The following ALOX5 variants were observed in gnomAD, a reference collection of about 807,000 sequenced individuals.
The protein encoded by ALOX5 is polyunsaturated fatty acid 5-lipoxygenase.
Under a neutral mutation model 87.9 loss-of-function variants are expected in ALOX5, and 64 were observed. The ratio of observed to expected loss-of-function variants is 0.73; its 90% confidence interval spans 0.60 to 0.90. The LOEUF (loss-of-function observed/expected upper bound fraction) is 0.90, where lower values mean the gene tolerates loss of function less well. Ranked by LOEUF, ALOX5 falls within the 40% of genes least tolerant of loss-of-function variation. The pLI is 0.00. For missense variants in ALOX5, 822 were observed against 907.5 expected (o/e 0.91, Z 1.21); for synonymous variants, 388 against 355.1 (o/e 1.09, Z -1.04).
At chr10:45,396,155 A>G (rs1490190379) in intron 3 of ALOX5, among the ~76,000 whole-genome samples, 1 of 152,234 alleles carries the variant, frequency 6.6e-6, no homozygotes, top group Non-Finnish European at 1.5e-5. Context: ...ACTTTGGATC[A>G]ACCATATTGG....
rs74128481 is a variant in ALOX5 at position 45,383,444 on chromosome 10, C to G, written c.349+763C>G. Among the ~76,000 whole-genome samples the G allele has an allele frequency of 5.8e-3, 879 of 152,326 alleles. 8 individuals carry two copies. Among genetic ancestry groups the G allele is most frequent in the African/African-American group, 0.02 (819 of 41,576 alleles). ...TGCCTGGCAAAATCCTACCTCACTT[C>G]GAGTCATAACCCTTCAGCTTGCTCT... On this transcript the variant is annotated intron_variant, in intron 2 of 13. Transcript: ENST00000374391.
At chr10:45,395,825 G>C (rs764560437) in intron 2 of ALOX5, 30 bp from the exon 3 acceptor site, 1 of 1,603,424 alleles carries the variant, frequency 6.2e-7, no homozygotes, top group Admixed American at 1.7e-5. Flanking sequence ...TTCTTCCTCA[G>C]GCTCCTCTCA....
intron 7 of ALOX5, among the ~76,000 whole-genome samples, chr10:45,438,360 T>A (rs534391334): frequency 3.9e-5 from 6 of 152,196 alleles, no homozygotes; most frequent in South Asian, 2.1e-4. Context: ...GAGCCTCAGT[T>A]TCCCCCCATG....
chr10:45,395,989 CAA>C, intron 3 of ALOX5, 53 bp downstream of exon 3: 1 of 1,556,846 alleles, frequency 6.4e-7, no homozygotes. Flanking sequence ...TCTTCTATCT[CAA>C]GAGCATGGTA....
At chr10:45,395,828 T>G (rs754284491) in intron 2 of ALOX5, 27 bp from the exon 3 acceptor site, 8 of 1,606,000 alleles carry the variant, frequency 5.0e-6, no homozygotes, top group African/African-American at 4.0e-5. Context: ...TTCCTCAGGC[T>G]CCTCTCATGT....
chr10:45,408,397 T>C (rs1334055235), intron 3 of ALOX5, among the ~76,000 whole-genome samples: 1 of 152,210 alleles, frequency 6.6e-6, no homozygotes, highest in Admixed American at 6.5e-5. Flanking sequence ...TTCCAGGTCA[T>C]AGGCAGATTC....
Position 45,412,235 on chromosome 10 carries a change from A to G in ALOX5, c.476A>G (p.Lys159Arg). 1 of 1,614,176 alleles carries G rather than the reference A, an allele frequency of 6.2e-7. No homozygotes were observed. Among genetic ancestry groups the G allele is most frequent in the Non-Finnish European group, 8.5e-7 (1 of 1,180,006 alleles). The change falls in exon 4 of 14, where the codon AAA becomes AGA. Residue 159 changes from lysine to arginine, a missense_variant. Transcript: ENST00000374391. ...NPGFPLSIDA[K>R]CHKDLPRDIQ... ...GGCTTCCCCTTGAGCATCGATGCCA[A>G]ATGCCACAAGGATTTACCCCGTGAT...
Position 45,444,306 on chromosome 10 carries a change from G to A in ALOX5, c.1845+20G>A. On this transcript the variant is annotated intron_variant, in intron 13 of 13. Coordinates refer to ENST00000374391, the MANE Select transcript of ALOX5 (RefSeq NM_000698.5). ...AACGAGGTGAAGCTGGGCAGGGCGG[G>A]GCACAGCCCCAGGTCACCCCAGGTT... The A allele has an allele frequency of 6.5e-7, 1 of 1,542,792 alleles. No individual in the cohort carries two copies.
At chr10:45,391,331 G>A (rs1205935348) in intron 2 of ALOX5, among the ~76,000 whole-genome samples, 1 of 152,248 alleles carries the variant, frequency 6.6e-6, no homozygotes, top group Non-Finnish European at 1.5e-5. Flanking sequence ...CTAACCGCGA[G>A]TGATCCGCCA....
In ALOX5 at chr10:45,395,942, T is replaced by A. The variant is rs775684229; in HGVS notation, c.431+6T>A. The stretch of plus-strand genomic sequence containing the variant: ...ACACGGCAAAAACAATATCGGTGAG[T>A]TATGACATCAGATCGAGTGGCCACG... On this transcript the variant is annotated splice_donor_region_variant and intron_variant, in intron 3 of 13. Coordinates refer to ENST00000374391, the MANE Select transcript of ALOX5 (RefSeq NM_000698.5). 1.2e-6 allele frequency: 2 copies of A among 1,613,926 alleles called. No individual in the cohort carries two copies. Among genetic ancestry groups the A allele is most frequent in the South Asian group, 2.2e-5 (2 of 91,086 alleles).
At chr10:45,400,612 A>C (rs1388887762) in intron 3 of ALOX5, among the ~76,000 whole-genome samples, 2 of 152,180 alleles carry the variant, frequency 1.3e-5, no homozygotes, top group Non-Finnish European at 2.9e-5. Context: ...AAAAGAAAAG[A>C]AAAGAAAAGA....
In ALOX5 at chr10:45,443,810, C is replaced by T. The variant is rs149908407; in HGVS notation, c.1656C>T (p.Ala552=). ...VVIFTASAQH[A]AVNFGQYDWC... ...TCTTCACCGCCTCCGCCCAGCACGC[C>T]GCGGTCAACTTCGGCCAGGTAGGCA... Residue 552 remains alanine, a synonymous_variant, in exon 12 of 14, where the codon GCC becomes GCT. Coordinates refer to ENST00000374391, the MANE Select transcript of ALOX5 (RefSeq NM_000698.5). The T allele has an allele frequency of 1.1e-5, 17 of 1,608,702 alleles. No homozygotes were observed. The African/African-American group carries it at 2.0e-4, about 19-fold the overall frequency.
intron 3 of ALOX5, 74 bp downstream of exon 3, chr10:45,396,010 A>G: frequency 6.8e-7 from 1 of 1,480,454 alleles, no homozygotes; most frequent in Non-Finnish European, 9.4e-7. Flanking sequence ...TATGAAATAA[A>G]CCCTTTCCAC....
At chr10:45,416,871 T>C (rs1233141476) in intron 4 of ALOX5, among the ~76,000 whole-genome samples, 1 of 151,492 alleles carries the variant, frequency 6.6e-6, no homozygotes, top group Non-Finnish European at 1.5e-5. Flanking sequence ...GATGGGTGGA[T>C]GGATTGATGG....
chr10:45,384,099 A>G (rs1262359051), intron 2 of ALOX5, among the ~76,000 whole-genome samples: 1 of 152,210 alleles, frequency 6.6e-6, no homozygotes, highest in Non-Finnish European at 1.5e-5. Flanking sequence ...CGGGGCCATC[A>G]GCACCACTAG....
chr10:45,441,590 G>A lies in ALOX5; in HGVS notation c.1272+160G>A, dbSNP rs1416219351. On this transcript the variant is annotated intron_variant, in intron 9 of 13. Transcript: ENST00000374391. ...AGCATCCTCCTGATGTCTCCAGCCC[G>A]TGCCATTCAGCCAGGAGCACTCCTC... 47 of 653,348 alleles carry A rather than the reference G, an allele frequency of 7.2e-5. No homozygotes were observed. In the East Asian group the frequency reaches 7.9e-4, roughly 11 times the overall value. 40.5% of individuals were successfully genotyped at this position (653,348 alleles called of 1,614,324 possible). A position where few individuals can be genotyped will look rare whatever the true frequency, so the allele number is the denominator to read the frequency against.
At chr10:45,432,208 G>GA (rs1478822045) in intron 7 of ALOX5, among the ~76,000 whole-genome samples, 2 of 150,902 alleles carry the variant, frequency 1.3e-5, no homozygotes, top group Non-Finnish European at 3.0e-5. Context: ...AAAATTAATA[G>GA]AAAAAATTAG....
At chr10:45,412,508 G>C (rs1392655251) in intron 4 of ALOX5, among the ~76,000 whole-genome samples, 195 bp downstream of exon 4, 3 of 152,138 alleles carry the variant, frequency 2.0e-5, no homozygotes, top group African/African-American at 7.2e-5. Context: ...CTTAAAAAAG[G>C]CATAACCAGA....
At chr10:45,428,354 G>T in intron 6 of ALOX5, 3 of 510,330 alleles carry the variant, frequency 5.9e-6, no homozygotes, top group Admixed American at 3.4e-5. Context: ...CTCATCTTTC[G>T]TGCCAGTCAA....
Sources: gnomAD v4.1 joint callset for allele counts (sites outside exome capture counted in the v4.1 genomes callset) on GRCh38, gnomAD v4.1.1 for gene constraint, MANE v1.5 for transcripts, NCBI Gene and HGNC (gene_info 2026-07-23, HGNC 2026-07-21) for gene names.